HDAC9: variants seen among roughly 807,000 people sequenced by gnomAD.
HDAC9 encodes the protein histone deacetylase 9, also known as MEF-2 interacting transcription repressor (MITR) protein.
Under a neutral mutation model 139.4 loss-of-function variants are expected in HDAC9, and 41 were observed. The ratio of observed to expected loss-of-function variants is 0.29; its 90% confidence interval spans 0.23 to 0.38. The LOEUF (loss-of-function observed/expected upper bound fraction) is 0.38. HDAC9 is among the 10% of genes least tolerant of loss of function. The pLI, the probability that HDAC9 is intolerant of heterozygous loss-of-function variation, is 1.00. For synonymous variants in HDAC9, 517 were observed against 476.2 expected (o/e 1.09, Z -1.12); for missense variants, 1,147 against 1,297.0 (o/e 0.88, Z 1.78).
At chr7:18,908,559 C>T (rs1023174409) in intron 22 of HDAC9, among the ~76,000 whole-genome samples, 1 of 152,040 alleles carries the variant, frequency 6.6e-6, no homozygotes, top group African/African-American at 2.4e-5. Context: ...CCACTCACTT[C>T]CCAACTTCTG....
At chr7:18,880,305 G>A (rs1224903373) in intron 22 of HDAC9, among the ~76,000 whole-genome samples, 2 of 152,106 alleles carry the variant, frequency 1.3e-5, no homozygotes, top group African/African-American at 4.8e-5. Flanking sequence ...TCCCATTACT[G>A]GGCATATACC....
At chr7:18,523,353 A>C (rs1805696087) in intron 2 of HDAC9, among the ~76,000 whole-genome samples, 1 of 152,218 alleles carries the variant, frequency 6.6e-6, no homozygotes. Flanking sequence ...AGTGCCCAGC[A>C]AGGAATAGGG....
intron 2 of HDAC9, among the ~76,000 whole-genome samples, chr7:18,258,568 A>G (rs777099657): frequency 2.0e-5 from 3 of 152,248 alleles, no homozygotes; most frequent in Non-Finnish European, 4.4e-5. Context: ...ACTGCAAGGT[A>G]TAAACAAAGT....
chr7:18,168,704 T>C (rs897856163), intron 2 of HDAC9, among the ~76,000 whole-genome samples: 1 of 152,128 alleles, frequency 6.6e-6, no homozygotes, highest in Non-Finnish European at 1.5e-5. Flanking sequence ...GGCTTTACTT[T>C]CTGTGGTTTT....
intron 1 of HDAC9, among the ~76,000 whole-genome samples, chr7:18,115,452 A>G (rs895912430): frequency 3.9e-5 from 6 of 152,250 alleles, no homozygotes; most frequent in African/African-American, 1.4e-4. Flanking sequence ...TGAAAAGCCA[A>G]TGATTATGTT....
At chr7:18,407,569 AT>A (rs1164138491) in intron 1 of HDAC9, among the ~76,000 whole-genome samples, 2 of 151,920 alleles carry the variant, frequency 1.3e-5, no homozygotes, top group Non-Finnish European at 2.9e-5. Flanking sequence ...AAAAAAAAAA[AT>A]CATCCCATTG....
At chr7:18,916,203 G>T (rs1373626400) in intron 22 of HDAC9, among the ~76,000 whole-genome samples, 2 of 151,974 alleles carry the variant, frequency 1.3e-5, no homozygotes, top group Non-Finnish European at 2.9e-5. Context: ...TGAAATGTCA[G>T]TCACTAGCCA....
intron 1 of HDAC9, among the ~76,000 whole-genome samples, chr7:18,305,829 C>T (rs1798870570): frequency 6.6e-6 from 1 of 151,864 alleles, no homozygotes; most frequent in Admixed American, 6.6e-5. Context: ...GGTACAGTGG[C>T]CTGGGCTGAT....
In HDAC9 at chr7:18,088,821, A is replaced by G. The variant is rs1781960412; in HGVS notation, c.-97+1608A>G. Among the ~76,000 whole-genome samples the G allele has an allele frequency of 3.3e-5, 5 of 152,314 alleles. No homozygotes were observed. In the South Asian group the frequency reaches 1.0e-3, roughly 32 times the overall value. ...CTGATGTTCCTTCTGGAAACCATTTATGTTTAAAATGGCTAATAAGAATAT... is the reference window on the plus strand; with the variant it reads ...CTGATGTTCCTTCTGGAAACCATTTGTGTTTAAAATGGCTAATAAGAATAT... On this transcript the variant is annotated intron_variant, in intron 1 of 12. Transcript: ENST00000417496.
chr7:18,114,192 A>G (rs1783815562), intron 1 of HDAC9, among the ~76,000 whole-genome samples: 1 of 152,254 alleles, frequency 6.6e-6, no homozygotes, highest in Non-Finnish European at 1.5e-5. Flanking sequence ...TTCAAGGTAG[A>G]AAAAGAGGGA....
At chr7:18,117,614 G>C (rs1490066925) in intron 1 of HDAC9, among the ~76,000 whole-genome samples, 1 of 152,114 alleles carries the variant, frequency 6.6e-6, no homozygotes, top group Non-Finnish European at 1.5e-5. Context: ...TTGATGCATT[G>C]GGATGATGCA....
At chr7:18,732,152 G>A (rs369973415) in intron 13 of HDAC9, among the ~76,000 whole-genome samples, 8 of 152,170 alleles carry the variant, frequency 5.3e-5, no homozygotes, top group African/African-American at 1.7e-4. Context: ...GAGCTACTGA[G>A]CTGGGCCTGA....
chr7:18,473,310 C>G (rs1794865594), intron 1 of HDAC9, among the ~76,000 whole-genome samples: 1 of 152,168 alleles, frequency 6.6e-6, no homozygotes, highest in African/African-American at 2.4e-5. Context: ...GTGATGAAAC[C>G]TTAGCACCAG....
chr7:18,486,061 GGAAGGCA>G (rs1795949622), intron 1 of HDAC9, among the ~76,000 whole-genome samples: 1 of 152,106 alleles, frequency 6.6e-6, no homozygotes, highest in African/African-American at 2.4e-5. Flanking sequence ...ATCCCGTGGT[GGAAGGCA>G]GAAGGGCAAG....
At chr7:18,167,793 T>G (rs751446786) in intron 2 of HDAC9, among the ~76,000 whole-genome samples, 1 of 152,212 alleles carries the variant, frequency 6.6e-6, no homozygotes, top group Non-Finnish European at 1.5e-5. Flanking sequence ...AAAAGTAGTC[T>G]AGCAGTACTC....
chr7:18,831,726 G>A (rs1043094846), intron 19 of HDAC9, among the ~76,000 whole-genome samples: 2 of 151,814 alleles, frequency 1.3e-5, no homozygotes, highest in South Asian at 2.1e-4. Context: ...TGAGACATCC[G>A]TTCTCCCTGG....
intron 1 of HDAC9, among the ~76,000 whole-genome samples, chr7:18,157,849 G>GAGAC (rs1554314568): frequency 4.8e-5 from 7 of 144,476 alleles, no homozygotes; most frequent in Non-Finnish European, 7.7e-5. Context: ...GAGAGAGAGA[G>GAGAC]AGACTGAGGA....
At chr7:18,372,516 AG>A (rs1585436267) in intron 1 of HDAC9, among the ~76,000 whole-genome samples, 1 of 152,208 alleles carries the variant, frequency 6.6e-6, no homozygotes. Context: ...GACCCTTTAA[AG>A]GCTTTGGCTT....
Position 18,259,222 on chromosome 7 carries a change from G to A in HDAC9, c.25+96873G>A, listed in dbSNP as rs189795785. Among the ~76,000 whole-genome samples, 3 of 152,170 alleles carry A rather than the reference G, an allele frequency of 2.0e-5. No individual in the cohort carries two copies. In the East Asian group the frequency reaches 5.8e-4, roughly 29 times the overall value. On this transcript the variant is annotated intron_variant, in intron 2 of 12. Transcript: ENST00000417496. ...GGCCTCAAGTGATCCACCTGCCTTGGCCTCCCAAAGTGCTGGGATTACAGG... is the reference window on the plus strand; with the variant it reads ...GGCCTCAAGTGATCCACCTGCCTTGACCTCCCAAAGTGCTGGGATTACAGG...
Sources: allele counts gnomAD v4.1 joint callset (sites outside exome capture counted in the v4.1 genomes callset), GRCh38; gene constraint gnomAD v4.1.1; transcripts MANE v1.5; gene names NCBI Gene and HGNC (gene_info 2026-07-23, HGNC 2026-07-21).